ARMH3: variants seen among roughly 807,000 people sequenced by gnomAD.
The protein encoded by ARMH3 is armadillo-like helical domain-containing protein 3.
A neutral mutation model predicts 99.1 loss-of-function variants in ARMH3; 60 were observed. The ratio of observed to expected loss-of-function variants is 0.61; its 90% CI spans 0.49 to 0.75. The LOEUF is 0.75. Ranked by LOEUF, ARMH3 falls within the 30% of genes least tolerant of loss-of-function variation. The pLI is 0.00. For synonymous variants in ARMH3, 285 were observed against 292.8 expected, an observed-to-expected ratio of 0.97 and a Z score of 0.27; for missense variants, 679 against 843.1, an observed-to-expected ratio of 0.81 and a Z score of 2.41.
chr10:101,909,517 A>G (rs2135538944), intron 23 of ARMH3, among the ~76,000 whole-genome samples: 1 of 117,890 alleles, frequency 8.5e-6, no homozygotes, highest in South Asian at 2.8e-4. Flanking sequence ...TCCCGAGGCT[A>G]GGGTGCAGTG....
At chr10:101,997,462 C>T (rs1472187057) in intron 15 of ARMH3, among the ~76,000 whole-genome samples, 5 of 150,434 alleles carry the variant, frequency 3.3e-5, no homozygotes. Context: ...CATGGTGGCG[C>T]AAGCCTGTAA....
intron 23 of ARMH3, among the ~76,000 whole-genome samples, chr10:101,904,629 A>G (rs2068059196): frequency 6.6e-6 from 1 of 152,046 alleles, no homozygotes; most frequent in South Asian, 2.1e-4. Flanking sequence ...ATTGGAAGTC[A>G]GTAAATTCTA....
At chr10:102,003,810 C>T (rs932606575) in intron 14 of ARMH3, among the ~76,000 whole-genome samples, 2 of 152,228 alleles carry the variant, frequency 1.3e-5, no homozygotes, top group Non-Finnish European at 2.9e-5. Flanking sequence ...AAGAAATCAG[C>T]ATGCCCAACC....
chr10:102,035,148 G>T (rs1364017030), intron 2 of ARMH3, among the ~76,000 whole-genome samples: 1 of 151,966 alleles, frequency 6.6e-6, no homozygotes, highest in Non-Finnish European at 1.5e-5. Context: ...AGTCCGAGGC[G>T]CCCGGATCAC....
chr10:101,961,332 C>T (rs1267098652), intron 20 of ARMH3, among the ~76,000 whole-genome samples: 1 of 151,844 alleles, frequency 6.6e-6, no homozygotes, highest in Non-Finnish European at 1.5e-5. Context: ...AAGCACATAA[C>T]TATCAACTAA....
chr10:101,855,758 T>C (rs1374268453), intron 24 of ARMH3, among the ~76,000 whole-genome samples: 1 of 147,262 alleles, frequency 6.8e-6, no homozygotes, highest in East Asian at 1.9e-4. Flanking sequence ...TATATTTATG[T>C]ATTATATATA....
intron 23 of ARMH3, among the ~76,000 whole-genome samples, chr10:101,895,097 C>T (rs921707463): frequency 6.6e-6 from 1 of 152,002 alleles, no homozygotes; most frequent in African/African-American, 2.4e-5. Context: ...ATTAAGGTTT[C>T]CCTTCGACAA....
At chr10:101,968,050 A>AT (rs991007983) in intron 20 of ARMH3, among the ~76,000 whole-genome samples, 20 of 152,250 alleles carry the variant, frequency 1.3e-4, no homozygotes, top group African/African-American at 4.6e-4. Context: ...CTAAAAAAAA[A>AT]AAATAAATAA....
At chr10:101,957,883 A>G in intron 20 of ARMH3, 151 bp from the exon 21 acceptor site, 1 of 1,149,598 alleles carries the variant, frequency 8.7e-7, no homozygotes, top group Non-Finnish European at 1.2e-6. Context: ...TAAGGTAGGT[A>G]TATTTGAGGA....
intron 1 of ARMH3, among the ~76,000 whole-genome samples, chr10:102,049,322 A>C (rs2067634687): frequency 6.6e-6 from 1 of 152,112 alleles, no homozygotes; most frequent in Non-Finnish European, 1.5e-5. Flanking sequence ...CGGGCGGATC[A>C]CTTGAGGTCA....
At chr10:101,864,971 C>T (rs1589927902) in intron 24 of ARMH3, among the ~76,000 whole-genome samples, 2 of 151,630 alleles carry the variant, frequency 1.3e-5, no homozygotes, top group Admixed American at 1.3e-4. Flanking sequence ...TATATTAAAG[C>T]TTTGGGAGGC....
intron 22 of ARMH3, among the ~76,000 whole-genome samples, chr10:101,944,097 C>T (rs1844366572): frequency 2.0e-5 from 3 of 147,382 alleles, no homozygotes; most frequent in African/African-American, 5.0e-5. Flanking sequence ...GAAATACGTT[C>T]GATATATTCA....
chr10:102,050,003 T>C (rs1267550039), intron 1 of ARMH3, among the ~76,000 whole-genome samples: 2 of 152,112 alleles, frequency 1.3e-5, no homozygotes, highest in Non-Finnish European at 2.9e-5. Context: ...ACTAGACCAT[T>C]AAAAACCAGA....
At chr10:101,927,490 CACAGCCCT>C (rs1843554706) in intron 23 of ARMH3, among the ~76,000 whole-genome samples, 1 of 152,222 alleles carries the variant, frequency 6.6e-6, no homozygotes, top group African/African-American at 2.4e-5. Flanking sequence ...CTGCTCAGAA[CACAGCCCT>C]TTAAATTTAC....
chr10:102,019,539 C>A (rs2066828045), intron 8 of ARMH3, among the ~76,000 whole-genome samples: 1 of 152,112 alleles, frequency 6.6e-6, no homozygotes, highest in African/African-American at 2.4e-5. Flanking sequence ...AGGTGAAAGA[C>A]AGTGATATTG....
chr10:101,982,415 C>T (rs1432285948), intron 19 of ARMH3, among the ~76,000 whole-genome samples: 3 of 151,946 alleles, frequency 2.0e-5, no homozygotes, highest in Non-Finnish European at 2.9e-5. Context: ...TTTTACAAAC[C>T]GTACAGAAAA....
intron 20 of ARMH3, among the ~76,000 whole-genome samples, chr10:101,971,095 CAAAAAAAAAAAAA>C (rs71472590): frequency 6.0e-5 from 2 of 33,304 alleles, no homozygotes; most frequent in African/African-American, 2.5e-4. Flanking sequence ...AGACCGTCTC[CAAAAAAAAAAAAA>C]AAAAAAAAAG....
intron 15 of ARMH3, among the ~76,000 whole-genome samples, chr10:101,996,900 CTTCT>C (rs1170783051): frequency 1.3e-5 from 2 of 152,160 alleles, no homozygotes; most frequent in Non-Finnish European, 2.9e-5. Context: ...TGAGCAGAAG[CTTCT>C]TTAAGGTGAC....
intron 1 of ARMH3, among the ~76,000 whole-genome samples, chr10:102,053,214 T>TAAAAAAAAAAA (rs1191838493): frequency 1.2e-4 from 6 of 49,008 alleles, no homozygotes; most frequent in African/African-American, 3.2e-4. Flanking sequence ...CCTCAGAAGC[T>TAAAAAAAAAAA]AAAAAAAAAA....
Sources: allele counts gnomAD v4.1 joint callset (sites outside exome capture counted in the v4.1 genomes callset), GRCh38; gene constraint gnomAD v4.1.1; transcripts MANE v1.5; gene names NCBI Gene and HGNC (gene_info 2026-07-23, HGNC 2026-07-21).